RERE: variants seen among roughly 807,000 people sequenced by gnomAD.
RERE encodes the protein arginine-glutamic acid dipeptide repeats.
A neutral mutation model predicts 146.1 loss-of-function variants in RERE; 40 were observed. The observed-to-expected ratio is 0.27, with a 90% CI of 0.21 to 0.36. The LOEUF (loss-of-function observed/expected upper bound fraction) is 0.36, where lower values mean the gene tolerates loss of function less well. Ranked by LOEUF, RERE falls within the 10% of genes least tolerant of loss-of-function variation. The pLI is 1.00. For synonymous variants in RERE, 1,003 were observed against 866.0 expected, an observed-to-expected ratio of 1.16 and a Z score of -2.78; for missense variants, 1,933 against 2,138.7, an observed-to-expected ratio of 0.90 and a Z score of 1.90.
chr1:8,591,970 G>A (rs944667670), intron 4 of RERE, among the ~76,000 whole-genome samples: 1 of 152,144 alleles, frequency 6.6e-6, no homozygotes, highest in East Asian at 1.9e-4. Context: ...TAAGGTGAGG[G>A]TTTAATAAAC....
At chr1:8,637,659 T>A (rs1415961675) in intron 2 of RERE, among the ~76,000 whole-genome samples, 1 of 152,310 alleles carries the variant, frequency 6.6e-6, no homozygotes, top group South Asian at 2.1e-4. Flanking sequence ...AAAATATGTC[T>A]GATCCACTCA....
chr1:8,728,172 G>A (rs533178283), intron 1 of RERE, among the ~76,000 whole-genome samples: 54 of 152,276 alleles, frequency 3.5e-4, no homozygotes, highest in African/African-American at 9.4e-4. Flanking sequence ...CAAGACCTGC[G>A]GTAGCTGCAA....
intron 10 of RERE, among the ~76,000 whole-genome samples, chr1:8,472,211 A>G (rs1294703245): frequency 6.6e-6 from 1 of 152,374 alleles, no homozygotes; most frequent in Non-Finnish European, 1.5e-5. Flanking sequence ...TAAATTTATC[A>G]AAACACTGGC....
chr1:8,587,748 C>G (rs1646443347), intron 4 of RERE, among the ~76,000 whole-genome samples: 1 of 152,204 alleles, frequency 6.6e-6, no homozygotes, highest in Admixed American at 6.5e-5. Context: ...CCAAACCAAG[C>G]TGGACTCCAA....
At chr1:8,686,391 A>G (rs1020587374) in intron 1 of RERE, among the ~76,000 whole-genome samples, 1 of 152,252 alleles carries the variant, frequency 6.6e-6, no homozygotes, top group African/African-American at 2.4e-5. Context: ...TAAACCAAAG[A>G]GTCAAAATTC....
intron 8 of RERE, among the ~76,000 whole-genome samples, chr1:8,505,093 A>T (rs1390822473): frequency 2.6e-5 from 4 of 152,222 alleles, no homozygotes; most frequent in Admixed American, 6.5e-5. Flanking sequence ...AGGATGAAAT[A>T]GCTTCTTTAC....
chr1:8,526,068 CCAG>C lies in RERE; in HGVS notation c.830+15143_830+15145del, dbSNP rs1200999289. The C allele has an allele frequency of 1.2e-4, 140 of 1,178,778 alleles. 2 individuals are homozygous for C. The East Asian group carries it at 5.6e-3, about 47-fold the overall frequency. The allele number at this position is 1,178,778 out of a possible 1,614,324, so 73.0% of individuals were successfully genotyped here. ...ACCCTGCTGTTTCCGTAAATAAAGC[CCAG>C]CCAACAGACTCTGCAGCTTCTCCCT... On this transcript the variant is annotated intron_variant, in intron 7 of 22. Coordinates refer to ENST00000400908, the MANE Select transcript of RERE (RefSeq NM_001042681.2).
chr1:8,553,410 C>G (rs1002374630), intron 6 of RERE, among the ~76,000 whole-genome samples: 1 of 151,842 alleles, frequency 6.6e-6, no homozygotes, highest in Non-Finnish European at 1.5e-5. Context: ...GCACGAGACA[C>G]TGCACCACAA....
At chr1:8,404,826 G>A (rs1382211802) in intron 12 of RERE, among the ~76,000 whole-genome samples, 1 of 152,280 alleles carries the variant, frequency 6.6e-6, no homozygotes. Flanking sequence ...TCTGGGTGAG[G>A]TGATATGGAG....
chr1:8,369,164 G>A (rs61787660), intron 12 of RERE, among the ~76,000 whole-genome samples: 30,365 of 152,080 alleles, frequency 0.2, 4,623 homozygotes, highest in East Asian at 0.74. Context: ...ATGTGCCACC[G>A]CACTCCAGCC....
intron 1 of RERE, among the ~76,000 whole-genome samples, chr1:8,735,001 G>A (rs1478512761): frequency 2.0e-5 from 3 of 152,118 alleles, no homozygotes; most frequent in African/African-American, 7.2e-5. Flanking sequence ...AAAATTGTAT[G>A]CTTGATAATA....
At chr1:8,812,649 A>AAT (rs1553152321) in intron 1 of RERE, among the ~76,000 whole-genome samples, 1 of 151,890 alleles carries the variant, frequency 6.6e-6, no homozygotes, top group Non-Finnish European at 1.5e-5. Context: ...CCATCTCGAA[A>AAT]AATAATAATA....
intron 7 of RERE, among the ~76,000 whole-genome samples, chr1:8,509,875 G>A (rs555561070): frequency 6.6e-6 from 1 of 152,314 alleles, no homozygotes; most frequent in East Asian, 1.9e-4. Flanking sequence ...TCATGGATCT[G>A]ATACCCATAC....
chr1:8,792,084 T>C (rs1372701874), intron 1 of RERE, among the ~76,000 whole-genome samples: 3 of 150,798 alleles, frequency 2.0e-5, no homozygotes, highest in African/African-American at 7.3e-5. Flanking sequence ...CAAGACCCTG[T>C]CTCAAAAGAA....
At chr1:8,754,247 G>A (rs1452300659) in intron 1 of RERE, among the ~76,000 whole-genome samples, 2 of 148,012 alleles carry the variant, frequency 1.4e-5, no homozygotes, top group African/African-American at 5.0e-5. Flanking sequence ...CAGCAGCATC[G>A]ACAGTACTGA....
intron 10 of RERE, among the ~76,000 whole-genome samples, chr1:8,492,778 G>A (rs991562761): frequency 2.6e-5 from 4 of 152,130 alleles, no homozygotes; most frequent in Admixed American, 1.3e-4. Context: ...GATGGTGGGC[G>A]TCTATGATAT....
intron 1 of RERE, among the ~76,000 whole-genome samples, chr1:8,659,917 G>T (rs184454238): frequency 1.3e-5 from 2 of 152,118 alleles, no homozygotes; most frequent in East Asian, 3.9e-4. Flanking sequence ...AAGTGAGCAA[G>T]AAAGTTAAAA....
chr1:8,637,996 G>A (rs1409515549), intron 2 of RERE, among the ~76,000 whole-genome samples: 1 of 152,184 alleles, frequency 6.6e-6, no homozygotes, highest in Non-Finnish European at 1.5e-5. Context: ...CAACAACACA[G>A]AACTAGTTAA....
intron 8 of RERE, among the ~76,000 whole-genome samples, chr1:8,501,691 C>T (rs1645160757): frequency 7.8e-6 from 1 of 128,970 alleles, no homozygotes; most frequent in African/African-American, 3.0e-5. Context: ...CCCGGCCAGC[C>T]GCCCAGTCCG....
Sources: allele counts gnomAD v4.1 joint callset (sites outside exome capture counted in the v4.1 genomes callset), GRCh38; gene constraint gnomAD v4.1.1; transcripts MANE v1.5; gene names NCBI Gene and HGNC (gene_info 2026-07-23, HGNC 2026-07-21).